GCA: variants seen among roughly 807,000 people sequenced by gnomAD.
GCA encodes the protein grancalcin, EF-hand calcium-binding protein.
In GCA, 30 loss-of-function variants were observed where a neutral mutation model predicts 32.6. The observed-to-expected ratio is 0.92, with a 90% confidence interval of 0.69 to 1.25. The LOEUF (loss-of-function observed/expected upper bound fraction) is 1.25. GCA is among the 50% of genes most tolerant of loss of function. The pLI is 0.00. For missense variants in GCA, 291 were observed against 266.8 expected (o/e 1.09, Z -0.63); for synonymous variants, 102 against 84.6 (o/e 1.21, Z -1.13).
rs1685622719 is a variant in GCA at position 162,362,563 on chromosome 2, TTTTA to T, written c.*2326_*2329del. On this transcript the variant is annotated 3_prime_UTR_variant, in exon 8 of 8. Coordinates refer to ENST00000437150, the MANE Select transcript of GCA (RefSeq NM_012198.5). ...ATGTACACTCTTAATGTATAAGTGC[TTTTA>T]TTTATACAGTAAACATGTTTCCATG... 1 of 937,200 alleles carries T rather than the reference TTTTA, an allele frequency of 1.1e-6. No homozygotes were observed. The allele number at this position is 937,200 out of a possible 1,614,324, so 58.1% of individuals were successfully genotyped here.
At chr2:162,319,653 A>G (rs1683595024) in intron 1 of GCA, among the ~76,000 whole-genome samples, 1 of 152,226 alleles carries the variant, frequency 6.6e-6, no homozygotes, top group African/African-American at 2.4e-5. Context: ...CAGAAGCCAC[A>G]TAAATGTGAG....
chr2:162,321,002 G>A (rs1029162945), intron 1 of GCA, among the ~76,000 whole-genome samples: 1 of 152,144 alleles, frequency 6.6e-6, no homozygotes, highest in Non-Finnish European at 1.5e-5. Flanking sequence ...ACAAGTAGGA[G>A]TCTCTCTGCT....
upstream of GCA, chr2:162,318,859 C>T (rs2105239938): frequency 5.1e-6 from 1 of 196,272 alleles, no homozygotes; most frequent in East Asian, 1.4e-4. Flanking sequence ...TTCTCTCTGA[C>T]ACCAAGACCA....
At chr2:162,359,858 T>G (rs73014824) in intron 7 of GCA, among the ~76,000 whole-genome samples, 9,360 of 151,282 alleles carry the variant, frequency 0.062, 915 homozygotes, top group African/African-American at 0.21. Context: ...AAGGGTAGTT[T>G]ACTGTAGTGA....
At chr2:162,363,154 C>T (rs1685646326), downstream of GCA, among the ~76,000 whole-genome samples, 1 of 151,164 alleles carries the variant, frequency 6.6e-6, no homozygotes, top group Non-Finnish European at 1.5e-5. Flanking sequence ...GTTTGACAAA[C>T]TCTTAAATGA....
At chr2:162,347,286 G>T (rs1684757020) in intron 1 of GCA, among the ~76,000 whole-genome samples, 1 of 152,024 alleles carries the variant, frequency 6.6e-6, no homozygotes. Flanking sequence ...AGTGATGTTG[G>T]TAAACATTTT....
chr2:162,355,563 A>T (rs1685222189), intron 3 of GCA, among the ~76,000 whole-genome samples: 1 of 152,110 alleles, frequency 6.6e-6, no homozygotes, highest in Non-Finnish European at 1.5e-5. Context: ...GCATGAAATT[A>T]GTCTTGAGAT....
chr2:162,352,650 T>A (rs1196674780), intron 3 of GCA, among the ~76,000 whole-genome samples: 2 of 152,150 alleles, frequency 1.3e-5, no homozygotes, highest in Admixed American at 1.3e-4. Context: ...TCTTTTGAAA[T>A]TTGCTTCCAG....
At chr2:162,320,209 C>G (rs1162730682) in intron 1 of GCA, among the ~76,000 whole-genome samples, 2 of 152,126 alleles carry the variant, frequency 1.3e-5, no homozygotes, top group African/African-American at 4.8e-5. Flanking sequence ...CTGATTTATA[C>G]TGTTCTTTTC....
At chr2:162,359,729 A>G (rs1048619367) in intron 7 of GCA, among the ~76,000 whole-genome samples, 177 bp downstream of exon 7, 1 of 151,172 alleles carries the variant, frequency 6.6e-6, no homozygotes, top group Admixed American at 6.6e-5. Flanking sequence ...GTGCCAAACA[A>G]TTTGACTTCA....
At chr2:162,342,860 C>T (rs1684496420), upstream of GCA, among the ~76,000 whole-genome samples, 1 of 152,244 alleles carries the variant, frequency 6.6e-6, no homozygotes, top group African/African-American at 2.4e-5. Context: ...TTGATACCTT[C>T]ATAAGCCATG....
intron 2 of GCA, among the ~76,000 whole-genome samples, chr2:162,351,637 A>G (rs1685006676): frequency 6.6e-6 from 1 of 152,082 alleles, no homozygotes. Context: ...TAGGTTTTAA[A>G]TTTGCCTCCT....
chr2:162,361,838 T>G lies in GCA; in HGVS notation c.*1595T>G. The G allele has an allele frequency of 1.0e-6, 1 of 982,300 alleles. No homozygotes were observed. Among genetic ancestry groups the G allele is most frequent in the Non-Finnish European group, 1.2e-6 (1 of 827,238 alleles). 60.8% of individuals were successfully genotyped at this position (982,300 alleles called of 1,614,324 possible). A position where few individuals can be genotyped will look rare whatever the true frequency, so the allele number is the denominator to read the frequency against. The stretch of plus-strand genomic sequence containing the variant: ...TAGGAAAAAGCAAATGTGAAAACAC[T>G]AAGTGTCGTTCACATCGAATGGTGA... On this transcript the variant is annotated 3_prime_UTR_variant, in exon 8 of 8. Coordinates refer to ENST00000437150, the MANE Select transcript of GCA (RefSeq NM_012198.5).
chr2:162,362,295 A>G lies in GCA; in HGVS notation c.*2052A>G, dbSNP rs1685605603. The G allele has an allele frequency of 2.0e-6, 2 of 984,460 alleles. No individual in the cohort carries two copies. Among genetic ancestry groups the G allele is most frequent in the Non-Finnish European group, 1.2e-6 (1 of 829,424 alleles). The allele number at this position is 984,460 out of a possible 1,614,324, so 61.0% of individuals were successfully genotyped here. A position where few individuals can be genotyped will look rare whatever the true frequency, so the allele number is the denominator to read the frequency against. ...AAACCTAACATTCTATGCCGATCCA[A>G]CTTAATTGCCAGGCAACTCTTCTGC... On this transcript the variant is annotated 3_prime_UTR_variant, in exon 8 of 8. Coordinates refer to ENST00000437150, the MANE Select transcript of GCA (RefSeq NM_012198.5).
chr2:162,374,222 T>C (rs1271729566), downstream of GCA, among the ~76,000 whole-genome samples: 1 of 152,224 alleles, frequency 6.6e-6, no homozygotes, highest in Non-Finnish European at 1.5e-5. Flanking sequence ...TAAATTCTTT[T>C]TCCCTCTTAA....
intron 1 of GCA, among the ~76,000 whole-genome samples, chr2:162,345,122 G>GGTGGTT (rs1491343247): frequency 2.7e-5 from 4 of 150,140 alleles, no homozygotes; most frequent in Admixed American, 6.6e-5. Context: ...TGGTGGTGGT[G>GGTGGTT]GTGGTGGTGG....
At chr2:162,348,580 A>G (rs1684829715) in intron 2 of GCA, among the ~76,000 whole-genome samples, 1 of 152,170 alleles carries the variant, frequency 6.6e-6, no homozygotes, top group Non-Finnish European at 1.5e-5. Context: ...ATTTGTTTCC[A>G]GTAAATTTGA....
intron 2 of GCA, among the ~76,000 whole-genome samples, chr2:162,351,548 T>C (rs76527722): frequency 0.025 from 3,784 of 152,288 alleles, 174 homozygotes; most frequent in African/African-American, 0.086. Flanking sequence ...TCCATTAGAA[T>C]GTGAGTGTTA....
Position 162,356,500 on chromosome 2 carries a change from A to G in GCA, c.306+19A>G. 1.4e-6 allele frequency: 2 copies of G among 1,442,968 alleles called. No homozygotes were observed. Among genetic ancestry groups the G allele is most frequent in the Non-Finnish European group, 2.0e-6 (2 of 1,025,334 alleles). The allele number at this position is 1,442,968 out of a possible 1,614,324, so 89.4% of individuals were successfully genotyped here. ...GTTGGATGTATCCTTGAATAGAAAT[A>G]GAAAATACTAGAATAAAGAGTAATT... is the stretch of plus-strand genomic sequence containing the variant. On this transcript the variant is annotated intron_variant, in intron 4 of 7. Transcript: ENST00000437150.
Sources: gnomAD v4.1 joint callset for allele counts (sites outside exome capture counted in the v4.1 genomes callset) on GRCh38, gnomAD v4.1.1 for gene constraint, MANE v1.5 for transcripts, NCBI Gene and HGNC (gene_info 2026-07-23, HGNC 2026-07-21) for gene names.